ADCY10: variants seen among roughly 807,000 people sequenced by gnomAD.
The protein encoded by ADCY10 is adenylate cyclase 10.
A neutral mutation model predicts 183.3 loss-of-function variants in ADCY10; 156 were observed. The observed-to-expected ratio is 0.85, with a 90% CI of 0.75 to 0.97. ADCY10 has a LOEUF of 0.97. Ranked by LOEUF, ADCY10 falls within the 50% of genes least tolerant of loss-of-function variation. The probability of loss-of-function intolerance (pLI) is 0.00; values close to 1 mark genes in which losing one functional copy is unlikely to be tolerated. For missense variants in ADCY10, 1,745 were observed against 1,934.3 expected (o/e 0.90, Z 1.84); for synonymous variants, 645 against 670.0 (o/e 0.96, Z 0.58).
At chr1:167,831,216 GTCTC>G (rs1558158222) in intron 25 of ADCY10, among the ~76,000 whole-genome samples, 1 of 151,702 alleles carries the variant, frequency 6.6e-6, no homozygotes, top group Admixed American at 6.6e-5. Context: ...TTGAGACGGA[GTCTC>G]GCTTTATCGC....
chr1:167,902,180 A>G (rs1018516647), intron 3 of ADCY10, 126 bp from the exon 4 acceptor site: 1 of 962,698 alleles, frequency 1.0e-6, no homozygotes, highest in African/African-American at 1.6e-5. Context: ...GGCTTATACT[A>G]AAGATCTCAT....
chr1:167,839,950 T>C (rs939534314), intron 21 of ADCY10, among the ~76,000 whole-genome samples: 5 of 151,894 alleles, frequency 3.3e-5, no homozygotes, highest in African/African-American at 1.2e-4. Context: ...CCAGGCACAG[T>C]GGCTCATCCC....
At chr1:167,817,722 T>C (rs1662616707) in intron 31 of ADCY10, among the ~76,000 whole-genome samples, 1 of 152,204 alleles carries the variant, frequency 6.6e-6, no homozygotes, top group Non-Finnish European at 1.5e-5. Context: ...CAATCATATA[T>C]CTGTAAGATA....
At chr1:167,880,715 C>A in intron 9 of ADCY10, 106 bp from the exon 10 acceptor site, 1 of 786,992 alleles carries the variant, frequency 1.3e-6, no homozygotes, top group Non-Finnish European at 2.3e-6. Flanking sequence ...GCTTCTGAAT[C>A]AGATTTTATC....
At position 167,810,838 on chromosome 1, in the gene ADCY10, C is replaced by A. The variant is rs144839993; in HGVS notation, c.4558G>T (p.Val1520Phe). Residue 1520 changes from valine to phenylalanine, a missense_variant, in exon 32 of 33, where the codon GTC becomes TTC. Val to Phe is a conservative substitution (Grantham distance 50). Transcript: ENST00000367851. ...CPRLYHLMAY[V>F]CILMGDGQKC... ...TGCCCATCTCCCATTAATATACAGA[C>A]GTAAGCCATCAGGTGGTAGAGCCTT... 6.2e-7 allele frequency: 1 copy of A among 1,614,126 alleles called. No individual in the cohort carries two copies. The highest frequency in any genetic ancestry group is 8.5e-7 in the Non-Finnish European group (1 of 1,180,014).
At chr1:167,883,940 A>C (rs1031101948) in intron 8 of ADCY10, among the ~76,000 whole-genome samples, 1 of 152,102 alleles carries the variant, frequency 6.6e-6, no homozygotes, top group African/African-American at 2.4e-5. Context: ...TGGCTCTCCT[A>C]TTTTTAAAAA....
At chr1:167,824,426 A>T in intron 28 of ADCY10, 50 bp downstream of exon 28, 1 of 1,502,204 alleles carries the variant, frequency 6.7e-7, no homozygotes, top group Non-Finnish European at 9.3e-7. Flanking sequence ...AGAATACTCA[A>T]TAATACGGCC....
At chr1:167,825,139 T>C (rs1663187254) in intron 26 of ADCY10, among the ~76,000 whole-genome samples, 1 of 152,220 alleles carries the variant, frequency 6.6e-6, no homozygotes. Flanking sequence ...ACATATTAGA[T>C]GTATAATTGC....
chr1:167,872,335 T>A (rs1453489933), intron 13 of ADCY10, among the ~76,000 whole-genome samples: 3 of 146,800 alleles, frequency 2.0e-5, no homozygotes. Context: ...CAAAACTCCA[T>A]CTCAAAAAAA....
intron 1 of ADCY10, among the ~76,000 whole-genome samples, chr1:167,913,531 T>A (rs1670281797): frequency 6.6e-6 from 1 of 152,358 alleles, no homozygotes; most frequent in South Asian, 2.1e-4. Context: ...AAGTGGCTTA[T>A]TTCCCATACA....
In ADCY10 at chr1:167,845,558, G is replaced by A. The variant is rs921930021; in HGVS notation, c.3007+5C>T. ...TTAGGATAATTTTAAAATGAAGTAG[G>A]TTACTTTTAAATCCATGAGACATAG... On this transcript the variant is annotated splice_donor_5th_base_variant and intron_variant, in intron 21 of 32. Coordinates refer to ENST00000367851, the MANE Select transcript of ADCY10 (RefSeq NM_018417.6). 5.0e-6 allele frequency: 8 copies of A among 1,613,428 alleles called. No individual in the cohort carries two copies. Among genetic ancestry groups the A allele is most frequent in the East Asian group, 2.2e-5 (1 of 44,892 alleles).
At chr1:167,859,376 C>G (rs1266066772) in intron 16 of ADCY10, among the ~76,000 whole-genome samples, 1 of 152,140 alleles carries the variant, frequency 6.6e-6, no homozygotes, top group Admixed American at 6.5e-5. Flanking sequence ...TCCCAGTGAG[C>G]TACGTACTAT....
In ADCY10 at chr1:167,836,558, T is replaced by C. The variant is rs1664215816; in HGVS notation, c.3078-18A>G. ...CTTCAGGACTGTCCATATGCAGAAA[T>C]AAATAATAGTAACTTATACAGTATC... On this transcript the variant is annotated intron_variant, in intron 22 of 32. Coordinates refer to ENST00000367851, the MANE Select transcript of ADCY10 (RefSeq NM_018417.6). 6.8e-7 allele frequency: 1 copy of C among 1,472,334 alleles called. No individual in the cohort carries two copies. Among genetic ancestry groups the C allele is most frequent in the African/African-American group, 1.4e-5 (1 of 72,274 alleles). The allele number at this position is 1,472,334 out of a possible 1,614,324, so 91.2% of individuals were successfully genotyped here. A position where few individuals can be genotyped will look rare whatever the true frequency, so the allele number is the denominator to read the frequency against.
intron 8 of ADCY10, among the ~76,000 whole-genome samples, chr1:167,893,077 A>C (rs189740860): frequency 1.3e-5 from 2 of 152,356 alleles, no homozygotes; most frequent in East Asian, 3.9e-4. Context: ...TAAATTTGAG[A>C]GAACCAAGAT....
chr1:167,906,081 AG>A (rs1034928513), intron 1 of ADCY10, among the ~76,000 whole-genome samples: 4 of 152,180 alleles, frequency 2.6e-5, no homozygotes, highest in African/African-American at 9.7e-5. Context: ...GGAACTTGTT[AG>A]TAGGTCATAT....
rs769581184 is a variant in ADCY10, at chr1:167,810,861, C to T, written c.4535G>A (p.Arg1512Lys). 6.2e-7 allele frequency: 1 copy of T among 1,614,076 alleles called. No individual in the cohort carries two copies. Among genetic ancestry groups the T allele is most frequent in the East Asian group, 2.2e-5 (1 of 44,890 alleles). ...GACGTAAGCCATCAGGTGGTAGAGC[C>T]TTGGGCAAAAGACAGGGCCAGTGGT... is the stretch of plus-strand genomic sequence containing the variant. The part of the protein sequence containing the change: ...QNTTGPVFCP[R>K]LYHLMAYVCI... The change falls in exon 32 of 33, where the codon AGG becomes AAG. Residue 1512 changes from arginine (R) to lysine (K), a missense_variant. Physicochemically the swap from Arg to Lys is conservative, Grantham distance 26. Coordinates refer to ENST00000367851, the MANE Select transcript of ADCY10 (RefSeq NM_018417.6).
chr1:167,856,049 G>A, intron 17 of ADCY10, 116 bp downstream of exon 17: 1 of 1,197,666 alleles, frequency 8.3e-7, no homozygotes, highest in Admixed American at 2.1e-5. Flanking sequence ...AAAAGGTGGG[G>A]CCAGGAAAGA....
intron 12 of ADCY10, among the ~76,000 whole-genome samples, chr1:167,877,419 C>T (rs186459090): frequency 6.6e-6 from 1 of 151,782 alleles, no homozygotes; most frequent in African/African-American, 2.4e-5. Context: ...ATAAAGACAC[C>T]TTGACCCAAC....
intron 8 of ADCY10, among the ~76,000 whole-genome samples, chr1:167,884,968 T>C (rs1170950908): frequency 6.6e-6 from 1 of 152,170 alleles, no homozygotes; most frequent in Non-Finnish European, 1.5e-5. Context: ...AGTGCTGGGA[T>C]TACAGGCATG....
Sources: allele counts gnomAD v4.1 joint callset (sites outside exome capture counted in the v4.1 genomes callset), GRCh38; gene constraint gnomAD v4.1.1; transcripts MANE v1.5; gene names NCBI Gene and HGNC (gene_info 2026-07-23, HGNC 2026-07-21).